The following ATPAF1 variants were observed in gnomAD, a reference collection of about 807,000 sequenced individuals.
ATPAF1 encodes the protein ATP synthase mitochondrial F1 complex assembly factor 1, also known as homolog of yeast ATP11.
In ATPAF1, 26 loss-of-function variants were observed where a neutral mutation model predicts 43.9. That is an observed-to-expected ratio of 0.59 (90% CI 0.43 to 0.82). ATPAF1 has a LOEUF of 0.82. Among genes scored for constraint, ATPAF1 ranks in the 40% least tolerant of loss-of-function variants. ATPAF1 has a pLI of 0.00. For synonymous variants in ATPAF1, 157 were observed against 168.0 expected (o/e 0.93, Z 0.50); for missense variants, 366 against 435.0 (o/e 0.84, Z 1.41).
At chr1:46,644,729 G>A (rs1245092967) in intron 7 of ATPAF1, among the ~76,000 whole-genome samples, 3 of 37,706 alleles carry the variant, frequency 8.0e-5, no homozygotes, top group South Asian at 3.5e-3. Flanking sequence ...AAGGAAGAAA[G>A]CAAACAAAAT....
At chr1:46,665,626 C>A (rs1419484591) in intron 1 of ATPAF1, 2 of 1,518,666 alleles carry the variant, frequency 1.3e-6, no homozygotes, top group Non-Finnish European at 1.8e-6. Context: ...TTACACAGGG[C>A]TTAGTCTCTC....
chr1:46,665,809 T>A, intron 1 of ATPAF1: 1 of 1,452,748 alleles, frequency 6.9e-7, no homozygotes, highest in East Asian at 2.5e-5. Flanking sequence ...CAGATCCTGG[T>A]GATTCAGAGG....
chr1:46,642,627 T>C (rs904310277), intron 8 of ATPAF1, among the ~76,000 whole-genome samples: 3 of 152,164 alleles, frequency 2.0e-5, no homozygotes, highest in Non-Finnish European at 2.9e-5. Flanking sequence ...TGAAGGAAGA[T>C]AAAATATTGA....
chr1:46,665,385 G>A (rs1676471755), intron 1 of ATPAF1, 21 bp from the exon 2 acceptor site: 1 of 1,610,136 alleles, frequency 6.2e-7, no homozygotes, highest in African/African-American at 1.3e-5. Context: ...GTAAACCAAA[G>A]GGTAAACCAA....
rs540419604 is a variant in ATPAF1 at position 46,652,414 on chromosome 1, G to T, written c.588+167C>A. The T allele has an allele frequency of 1.2e-5, 7 of 600,468 alleles. 1 individual carries two copies. The highest frequency in any genetic ancestry group is 1.9e-5 in the Non-Finnish European group (7 of 359,290). 37.2% of individuals were successfully genotyped at this position (600,468 alleles called of 1,614,324 possible). On this transcript the variant is annotated intron_variant, in intron 6 of 8. Transcript: ENST00000574428. ...ATCAACGTGTGAGCATCTTTATTAA[G>T]TAAACAGAGCACTATAACTTATTAG...
chr1:46,660,420 T>G (rs1021096820), intron 2 of ATPAF1, among the ~76,000 whole-genome samples: 1 of 152,342 alleles, frequency 6.6e-6, no homozygotes, highest in Middle Eastern at 3.4e-3. Flanking sequence ...CTCTCCAATC[T>G]ATTATTTGTA....
chr1:46,641,857 A>T, intron 8 of ATPAF1, among the ~76,000 whole-genome samples: 1 of 151,762 alleles, frequency 6.6e-6, no homozygotes, highest in Admixed American at 6.6e-5. Flanking sequence ...TCTCTTCTCT[A>T]TTTTTACTTA....
chr1:46,657,912 G>A (rs1344854181), intron 4 of ATPAF1, among the ~76,000 whole-genome samples: 3 of 152,184 alleles, frequency 2.0e-5, no homozygotes, highest in African/African-American at 7.2e-5. Flanking sequence ...TTATGGGAAT[G>A]AAAAAGAAAC....
intron 1 of ATPAF1, among the ~76,000 whole-genome samples, chr1:46,667,301 A>G (rs554634132): frequency 6.6e-6 from 1 of 152,280 alleles, no homozygotes; most frequent in South Asian, 2.1e-4. Flanking sequence ...TAAGACAACT[A>G]CCTTCTTACC....
chr1:46,634,531 C>G (rs1319107029), downstream of ATPAF1: 1 of 152,518 alleles, frequency 6.6e-6, no homozygotes, highest in South Asian at 2.1e-4. Context: ...AGCAGAATCA[C>G]TTGAACCAGG....
In ATPAF1 at chr1:46,668,293, AC is replaced by A; in HGVS notation, c.29del (p.Gly10ValfsTer125). On this transcript the variant is annotated frameshift_variant, in exon 1 of 9. Transcript: ENST00000574428. LOFTEE classifies it high-confidence loss of function. This position sits in a 1 kb window ranked among gnomAD's most constrained non-coding sequence, Gnocchi z 4.4. Reference sequence around the variant, plus strand: ...CCTGCAGGACCGCCGGTCCCGCGCCACCCGCAGCCGCCACCACCACAGCAGC... The same window carrying A: ...CCTGCAGGACCGCCGGTCCCGCGCCACCGCAGCCGCCACCACCACAGCAGC... 7.3e-7 allele frequency: 1 copy of A among 1,376,158 alleles called. No individual in the cohort carries two copies. The highest frequency in any genetic ancestry group is 9.4e-7 in the Non-Finnish European group (1 of 1,060,202). The allele number at this position is 1,376,158 out of a possible 1,614,324, so 85.2% of individuals were successfully genotyped here.
intron 2 of ATPAF1, among the ~76,000 whole-genome samples, chr1:46,660,034 T>C (rs1192440037): frequency 6.6e-6 from 1 of 151,650 alleles, no homozygotes. Flanking sequence ...TGGAGTGCAG[T>C]GGCACAATGT....
In ATPAF1 at chr1:46,652,770, C is replaced by T. The variant is rs374179672; in HGVS notation, c.541-142G>A. The T allele has an allele frequency of 1.6e-5, 12 of 752,004 alleles. No individual in the cohort carries two copies. The East Asian group carries it at 3.0e-4, about 19-fold the overall frequency. 46.6% of individuals were successfully genotyped at this position (752,004 alleles called of 1,614,324 possible). A position where few individuals can be genotyped will look rare whatever the true frequency, so the allele number is the denominator to read the frequency against. ...TAAGTTTCATCATTTTCAAATCACT[C>T]TTATGACAGAAAGACAGGAAAAACC... On this transcript the variant is annotated intron_variant, in intron 5 of 8. Transcript: ENST00000574428.
intron 6 of ATPAF1, among the ~76,000 whole-genome samples, chr1:46,651,165 A>G (rs988206435): frequency 2.0e-5 from 3 of 151,238 alleles, no homozygotes; most frequent in African/African-American, 7.3e-5. Context: ...CCACCCCACA[A>G]CAGTCCCCAG....
At chr1:46,643,362 A>C in intron 7 of ATPAF1, 61 bp from the exon 8 acceptor site, 1 of 1,327,274 alleles carries the variant, frequency 7.5e-7, no homozygotes, top group Non-Finnish European at 1.1e-6. Context: ...CTGCAATTTC[A>C]AAGCAATAGA....
chr1:46,652,499 T>A, intron 6 of ATPAF1, 82 bp downstream of exon 6: 1 of 1,377,588 alleles, frequency 7.3e-7, no homozygotes, highest in Non-Finnish European at 1.0e-6. Flanking sequence ...TGTGAGACAG[T>A]ATGGAATATG....
chr1:46,647,525 T>C (rs796483324), intron 6 of ATPAF1, among the ~76,000 whole-genome samples: 14 of 145,956 alleles, frequency 9.6e-5, no homozygotes, highest in African/African-American at 1.3e-4. Flanking sequence ...CACACACACA[T>C]GCACATTCTC....
chr1:46,652,496 C>G (rs2289447), intron 6 of ATPAF1, 85 bp downstream of exon 6: 3 of 1,304,560 alleles, frequency 2.3e-6, no homozygotes, highest in East Asian at 4.8e-5. Flanking sequence ...ACATGTGAGA[C>G]AGTATGGAAT....
In ATPAF1 at chr1:46,656,631, A is replaced by G. The variant is rs1569625928; in HGVS notation, c.489+1496T>C. On this transcript the variant is annotated intron_variant, in intron 4 of 8. Coordinates refer to ENST00000574428, the Ensembl canonical transcript of ATPAF1. ...ATGAGACTGATATATGTTTCCTTATATAGTTGAATTTAGCTACTCATTTCA... is the reference window on the plus strand; with the variant it reads ...ATGAGACTGATATATGTTTCCTTATGTAGTTGAATTTAGCTACTCATTTCA... Among the ~76,000 whole-genome samples the G allele has an allele frequency of 2.0e-5, 3 of 152,238 alleles. No homozygotes were observed. In the South Asian group the frequency reaches 6.2e-4, roughly 31 times the overall value.
Sources: allele counts gnomAD v4.1 joint callset (sites outside exome capture counted in the v4.1 genomes callset), GRCh38; gene constraint gnomAD v4.1.1; non-coding constraint Gnocchi (gnomAD v3.1); transcripts MANE v1.5; gene names NCBI Gene and HGNC (gene_info 2026-07-23, HGNC 2026-07-21).